NF2: variants seen among roughly 807,000 people sequenced by gnomAD.
NF2 encodes the protein merlin.
Under a neutral mutation model 83.7 loss-of-function variants are expected in NF2, and 8 were observed. The observed-to-expected ratio is 0.10, with a 90% CI of 0.06 to 0.17. The LOEUF (loss-of-function observed/expected upper bound fraction) is 0.17. Ranked by LOEUF, NF2 falls within the 10% of genes least tolerant of loss-of-function variation. NF2 has a pLI of 1.00. For missense variants in NF2, 533 were observed against 744.4 expected (o/e 0.72, Z 3.31); for synonymous variants, 266 against 269.6 (o/e 0.99, Z 0.13).
At chr22:29,656,605 G>A (rs2066318836) in intron 6 of NF2, among the ~76,000 whole-genome samples, 1 of 151,556 alleles carries the variant, frequency 6.6e-6, no homozygotes, top group African/African-American at 2.4e-5. Flanking sequence ...GTAGAGATGG[G>A]GTTTCACTGT....
chr22:29,667,419 T>C (rs2066655742), intron 9 of NF2, among the ~76,000 whole-genome samples: 1 of 152,082 alleles, frequency 6.6e-6, no homozygotes, highest in Admixed American at 6.6e-5. Context: ...TTGTATTTTT[T>C]TTATAGAGAC....
At chr22:29,617,762 T>C (rs2065116927) in intron 1 of NF2, among the ~76,000 whole-genome samples, 1 of 152,178 alleles carries the variant, frequency 6.6e-6, no homozygotes. Flanking sequence ...AATTTTGTAT[T>C]AATAACAAAC....
At chr22:29,690,669 C>G (rs1051628655) in intron 15 of NF2, among the ~76,000 whole-genome samples, 1 of 152,252 alleles carries the variant, frequency 6.6e-6, no homozygotes, top group East Asian at 1.9e-4. Context: ...CAGACTTGAG[C>G]AGCCGGTTCA....
At chr22:29,681,920 C>A (rs553244692) in intron 15 of NF2, among the ~76,000 whole-genome samples, 64 of 152,276 alleles carry the variant, frequency 4.2e-4, no homozygotes, top group African/African-American at 1.5e-3. Flanking sequence ...ACCCAGGGAG[C>A]TGCCTTACTT....
intron 1 of NF2, among the ~76,000 whole-genome samples, chr22:29,607,370 A>G (rs2064825601): frequency 6.6e-6 from 1 of 151,998 alleles, no homozygotes; most frequent in African/African-American, 2.4e-5. Context: ...AGGAGAGAAT[A>G]GAAGAGAACC....
chr22:29,664,533 G>T (rs1304578743), intron 8 of NF2, among the ~76,000 whole-genome samples: 2 of 152,084 alleles, frequency 1.3e-5, no homozygotes, highest in African/African-American at 4.8e-5. Flanking sequence ...GCTTATGGTG[G>T]ATCTACTCTG....
chr22:29,666,338 A>C (rs1464351945), intron 9 of NF2, among the ~76,000 whole-genome samples: 4 of 152,012 alleles, frequency 2.6e-5, no homozygotes, highest in African/African-American at 9.7e-5. Context: ...ATGGTGTTTC[A>C]CCATGTTGGT....
At chr22:29,629,682 AT>A (rs1786851121) in intron 1 of NF2, among the ~76,000 whole-genome samples, 1 of 152,232 alleles carries the variant, frequency 6.6e-6, no homozygotes, top group Admixed American at 6.5e-5. Flanking sequence ...TTTATGGCAA[AT>A]GCTAGGGCAG....
chr22:29,682,952 G>T (rs558837055), intron 15 of NF2: 39 of 1,580,774 alleles, frequency 2.5e-5, no homozygotes, highest in Non-Finnish European at 3.4e-5. Flanking sequence ...TTTGCAGATG[G>T]CACTTATGGC....
rs2067515971 is a variant in NF2 at position 29,695,217 on chromosome 22, G to C, written c.*415G>C. On this transcript the variant is annotated 3_prime_UTR_variant, in exon 16 of 16. Transcript: ENST00000338641. The surrounding 1 kb of genome is among the most constrained non-coding windows in gnomAD (Gnocchi z 5.4). Reference sequence around the variant, plus strand: ...GTGCCATCATCCCCACCCCGCCCAGGGTTCCGGAACATTCATTCCCCCACC... The same window carrying C: ...GTGCCATCATCCCCACCCCGCCCAGCGTTCCGGAACATTCATTCCCCCACC... 1 of 379,242 alleles carries C rather than the reference G, an allele frequency of 2.6e-6. No homozygotes were observed. The highest frequency in any genetic ancestry group is 3.4e-5 in the South Asian group (1 of 29,548). The allele number at this position is 379,242 out of a possible 1,614,324, so 23.5% of individuals were successfully genotyped here.
chr22:29,614,762 A>G (rs2065041944), intron 1 of NF2, among the ~76,000 whole-genome samples: 1 of 151,998 alleles, frequency 6.6e-6, no homozygotes, highest in South Asian at 2.1e-4. Flanking sequence ...AAAATGGATC[A>G]AAGGGCCAGT....
chr22:29,694,890 G>A lies in NF2; in HGVS notation c.*88G>A, dbSNP rs2067505349. The A allele has an allele frequency of 7.1e-7, 1 of 1,409,680 alleles. No homozygotes were observed. The highest frequency in any genetic ancestry group is 1.4e-5 in the African/African-American group (1 of 70,228). 87.3% of individuals were successfully genotyped at this position (1,409,680 alleles called of 1,614,324 possible). On this transcript the variant is annotated 3_prime_UTR_variant, in exon 16 of 16. Coordinates refer to ENST00000338641, the MANE Select transcript of NF2 (RefSeq NM_000268.4). This position sits in a 1 kb window ranked among gnomAD's most constrained non-coding sequence, Gnocchi z 4.1. ...AGATATCAAGAGAGCCATCCATAGG[G>A]AGCTGGCTGGGGGTTTCCGTGGGAG...
chr22:29,687,500 C>T (rs1159834675), intron 15 of NF2, among the ~76,000 whole-genome samples: 6 of 152,174 alleles, frequency 3.9e-5, no homozygotes, highest in Non-Finnish European at 7.3e-5. Context: ...ATTGCATATG[C>T]GGGAAAGGTG....
intron 3 of NF2, among the ~76,000 whole-genome samples, chr22:29,641,120 T>C (rs2530663): frequency 0.87 from 132,728 of 152,210 alleles, 57,950 homozygotes; most frequent in East Asian, 0.95. Flanking sequence ...GCAACCAGAG[T>C]GAAACTCCTT....
chr22:29,606,334 T>C (rs1323963028), intron 1 of NF2, among the ~76,000 whole-genome samples: 1 of 152,224 alleles, frequency 6.6e-6, no homozygotes, highest in African/African-American at 2.4e-5. Flanking sequence ...CTGAAATTAC[T>C]GGTGCCCCAA....
intron 2 of NF2, among the ~76,000 whole-genome samples, chr22:29,638,797 T>C (rs1257305718): frequency 6.6e-6 from 1 of 152,232 alleles, no homozygotes; most frequent in East Asian, 1.9e-4. Context: ...AGTGATACAT[T>C]TCTAGTTTTT....
At chr22:29,608,655 C>G (rs373694581) in intron 1 of NF2, among the ~76,000 whole-genome samples, 3 of 145,576 alleles carry the variant, frequency 2.1e-5, no homozygotes, top group Non-Finnish European at 1.5e-5. Context: ...GGTGACAGAG[C>G]GAGACTCCAT....
chr22:29,609,896 A>G (rs2064903155), intron 1 of NF2, among the ~76,000 whole-genome samples: 2 of 152,218 alleles, frequency 1.3e-5, no homozygotes, highest in South Asian at 4.1e-4. Context: ...GTTTTCCAAA[A>G]GCAAAGGAAG....
At chr22:29,611,758 T>C (rs1835666550) in intron 1 of NF2, among the ~76,000 whole-genome samples, 1 of 152,096 alleles carries the variant, frequency 6.6e-6, no homozygotes, top group Admixed American at 6.6e-5. Flanking sequence ...TACCAAAGTA[T>C]TGGAACTAAT....
Sources: gnomAD v4.1 joint callset for allele counts (sites outside exome capture counted in the v4.1 genomes callset) on GRCh38, gnomAD v4.1.1 for gene constraint, Gnocchi (gnomAD v3.1) non-coding constraint, MANE v1.5 for transcripts, NCBI Gene and HGNC (gene_info 2026-07-23, HGNC 2026-07-21) for gene names.